The following ASIC2 variants were observed in gnomAD, a reference collection of about 807,000 sequenced individuals.
The protein encoded by ASIC2 is acid-sensing ion channel 2.
ASIC2 carries 25 observed loss-of-function variants against 57.3 expected under a neutral mutation model. The observed-to-expected ratio is 0.44, with a 90% CI of 0.32 to 0.61. The LOEUF is 0.61. Among genes scored for constraint, ASIC2 ranks in the 20% least tolerant of loss-of-function variants. The pLI is 0.06. For synonymous variants in ASIC2, 319 were observed against 307.5 expected (o/e 1.04, Z -0.39); for missense variants, 641 against 738.1 (o/e 0.87, Z 1.52).
At chr17:34,073,893 A>C (rs949505243) in intron 1 of ASIC2, among the ~76,000 whole-genome samples, 1 of 152,166 alleles carries the variant, frequency 6.6e-6, no homozygotes, top group East Asian at 1.9e-4. Context: ...AGGTGTGTGA[A>C]GTCAGCCAGC....
chr17:33,044,507 A>T (rs2091943791), intron 3 of ASIC2, among the ~76,000 whole-genome samples: 1 of 152,068 alleles, frequency 6.6e-6, no homozygotes, highest in African/African-American at 2.4e-5. Context: ...CAAGTAGCTG[A>T]GATTACAGGC....
At chr17:33,316,187 T>C (rs576508580) in intron 1 of ASIC2, among the ~76,000 whole-genome samples, 2 of 152,352 alleles carry the variant, frequency 1.3e-5, no homozygotes, top group South Asian at 4.1e-4. Context: ...ATGTTTAGTT[T>C]CATACTCTCT....
intron 1 of ASIC2, among the ~76,000 whole-genome samples, chr17:33,153,692 C>G (rs1459602182): frequency 1.3e-5 from 2 of 152,182 alleles, no homozygotes; most frequent in Non-Finnish European, 2.9e-5. Flanking sequence ...ATCCCATTTC[C>G]CTTCAAGGAA....
At chr17:34,090,028 A>G (rs1017051291) in intron 1 of ASIC2, among the ~76,000 whole-genome samples, 4 of 152,196 alleles carry the variant, frequency 2.6e-5, no homozygotes, top group Non-Finnish European at 4.4e-5. Flanking sequence ...ACTGGCATAC[A>G]GATCACACCA....
At chr17:33,263,328 C>A (rs1358706136) in intron 1 of ASIC2, among the ~76,000 whole-genome samples, 2 of 152,196 alleles carry the variant, frequency 1.3e-5, no homozygotes, top group Non-Finnish European at 2.9e-5. Flanking sequence ...GGCTGTGGCT[C>A]CTGGCTGTGA....
chr17:33,165,252 C>A (rs1326127087), intron 1 of ASIC2, among the ~76,000 whole-genome samples: 2 of 152,164 alleles, frequency 1.3e-5, no homozygotes, highest in African/African-American at 2.4e-5. Context: ...TGGACTCAGG[C>A]ATCTAGGTAG....
intron 1 of ASIC2, among the ~76,000 whole-genome samples, chr17:33,990,215 A>G (rs1567780448): frequency 2.6e-5 from 4 of 152,190 alleles, no homozygotes; most frequent in South Asian, 2.1e-4. Flanking sequence ...GCCTCTTACT[A>G]GCTGTGTGAC....
intron 1 of ASIC2, among the ~76,000 whole-genome samples, chr17:33,770,170 G>A (rs1911051977): frequency 6.6e-6 from 1 of 152,198 alleles, no homozygotes; most frequent in Non-Finnish European, 1.5e-5. Context: ...GTGGAATGTG[G>A]AAGCAAAGAG....
intron 1 of ASIC2, among the ~76,000 whole-genome samples, chr17:33,720,287 G>A (rs1165017596): frequency 6.6e-6 from 1 of 152,208 alleles, no homozygotes; most frequent in Non-Finnish European, 1.5e-5. Flanking sequence ...GAATTAAGAA[G>A]GCAGGAGGCT....
In ASIC2 at chr17:33,248,467, G is replaced by C. The variant is rs147786521; in HGVS notation, c.708+42941C>G. On this transcript the variant is annotated intron_variant, in intron 1 of 9. Coordinates refer to ENST00000225823, the MANE Select transcript of ASIC2 (RefSeq NM_183377.2). ...TAAAATAATGCAGTAAGACTAGACT[G>C]TAGGGGAGTGCATTAGTTTCCTGTG... Among the ~76,000 whole-genome samples, 33 of 152,366 alleles carry C rather than the reference G, an allele frequency of 2.2e-4. No homozygotes were observed. In the East Asian group the frequency reaches 6.0e-3, roughly 28 times the overall value.
chr17:33,629,598 A>G (rs1037995791), intron 1 of ASIC2, among the ~76,000 whole-genome samples: 2 of 152,182 alleles, frequency 1.3e-5, no homozygotes, highest in African/African-American at 4.8e-5. Flanking sequence ...TACATGGAGG[A>G]AGGTAGACAA....
Position 33,611,381 on chromosome 17 carries a change from T to C in ASIC2, c.556-499314A>G, listed in dbSNP as rs761820177. On this transcript the variant is annotated intron_variant, in intron 1 of 9. Coordinates refer to the ASIC2 transcript ENST00000359872. ...TGCTCATCTGTAAGATGGCCTTCAA[T>C]AACCCTGGGATCCAGACCTTGTGTT... 3.3e-5 allele frequency among the ~76,000 whole-genome samples: 5 copies of C among 152,208 alleles called. No homozygotes were observed. The South Asian group carries it at 6.2e-4, about 19-fold the overall frequency.
intron 1 of ASIC2, among the ~76,000 whole-genome samples, chr17:34,128,184 ATAAC>A (rs752462245): frequency 2.6e-5 from 4 of 152,202 alleles, no homozygotes; most frequent in African/African-American, 9.6e-5. Context: ...ATGGGTGTGA[ATAAC>A]TAACACATCA....
rs117547935 is a variant in ASIC2 at position 33,310,283 on chromosome 17, C to T, written c.556-198216G>A. Among the ~76,000 whole-genome samples the T allele has an allele frequency of 7.8e-3, 1,188 of 152,094 alleles. 13 individuals carry two copies. Among genetic ancestry groups the T allele is most frequent in the Non-Finnish European group, 0.013 (874 of 68,008 alleles). On this transcript the variant is annotated intron_variant, in intron 1 of 9. Coordinates refer to the ASIC2 transcript ENST00000359872. ...TATCAGGATCTCTAGGGTCATGCCCCAACTCTGCCACTAACTTACTCTGTG... is the reference window on the plus strand; with the variant it reads ...TATCAGGATCTCTAGGGTCATGCCCTAACTCTGCCACTAACTTACTCTGTG...
At chr17:33,189,321 T>G (rs989567777) in intron 1 of ASIC2, among the ~76,000 whole-genome samples, 1 of 151,652 alleles carries the variant, frequency 6.6e-6, no homozygotes, top group Non-Finnish European at 1.5e-5. Context: ...AGCGAAGAGA[T>G]GGGACAAAGA....
intron 1 of ASIC2, among the ~76,000 whole-genome samples, chr17:33,271,422 C>T (rs1270211400): frequency 6.6e-6 from 1 of 152,172 alleles, no homozygotes; most frequent in Non-Finnish European, 1.5e-5. Context: ...TACTAGGATA[C>T]CCAATAGTTA....
chr17:33,490,766 G>C (rs1913730405), intron 1 of ASIC2, among the ~76,000 whole-genome samples: 1 of 152,144 alleles, frequency 6.6e-6, no homozygotes, highest in Non-Finnish European at 1.5e-5. Flanking sequence ...TGTGAGAACA[G>C]ACTAATACAA....
chr17:33,900,177 A>G (rs748952842), intron 1 of ASIC2, among the ~76,000 whole-genome samples: 34 of 152,346 alleles, frequency 2.2e-4, no homozygotes, highest in Non-Finnish European at 4.4e-4. Flanking sequence ...TAAGTATCAT[A>G]TGCATTCTTT....
At chr17:33,400,406 G>A (rs1400302025) in intron 1 of ASIC2, among the ~76,000 whole-genome samples, 1 of 152,222 alleles carries the variant, frequency 6.6e-6, no homozygotes, top group African/African-American at 2.4e-5. Context: ...TGAGCTTAGA[G>A]GACAGTAGAA....
Sources: allele counts gnomAD v4.1 joint callset (sites outside exome capture counted in the v4.1 genomes callset), GRCh38; gene constraint gnomAD v4.1.1; transcripts MANE v1.5; gene names NCBI Gene and HGNC (gene_info 2026-07-23, HGNC 2026-07-21).